The following UNC13C variants were observed in gnomAD, a reference collection of about 807,000 sequenced individuals.
UNC13C encodes the protein protein unc-13 homolog C.
A neutral mutation model predicts 245.4 loss-of-function variants in UNC13C; 174 were observed. The observed-to-expected ratio is 0.71, with a 90% CI of 0.63 to 0.80. The LOEUF (loss-of-function observed/expected upper bound fraction) is 0.80. Ranked by LOEUF, UNC13C falls within the 30% of genes least tolerant of loss-of-function variation. The pLI is 0.00. For synonymous variants in UNC13C, 992 were observed against 895.1 expected, an observed-to-expected ratio of 1.11 and a Z score of -1.93; for missense variants, 2,829 against 2,602.9, an observed-to-expected ratio of 1.09 and a Z score of -1.89.
At chr15:54,548,845 T>G (rs1237441435) in intron 27 of UNC13C, among the ~76,000 whole-genome samples, 1 of 152,154 alleles carries the variant, frequency 6.6e-6, no homozygotes, top group Non-Finnish European at 1.5e-5. Context: ...TTCTTTGAGC[T>G]CCTACTATGT....
At chr15:53,847,122 C>T in the UNC13C span, among the ~76,000 whole-genome samples, 1 of 152,044 alleles carries the variant, frequency 6.6e-6, no homozygotes, top group South Asian at 2.1e-4. Context: ...AAACTAGACC[C>T]TACATAAAAA....
intron 30 of UNC13C, among the ~76,000 whole-genome samples, chr15:54,604,830 T>A (rs1336381317): frequency 1.3e-5 from 2 of 152,168 alleles, no homozygotes; most frequent in Non-Finnish European, 2.9e-5. Context: ...GCATGAGAAA[T>A]CAAACAAAAT....
At position 54,627,272 on chromosome 15, in the gene UNC13C, A is replaced by C; in HGVS notation, c.*159A>C. 2 of 698,128 alleles carry C rather than the reference A, an allele frequency of 2.9e-6. No individual in the cohort carries two copies. The highest frequency in any genetic ancestry group is 6.8e-5 in the Admixed American group (2 of 29,476). The allele number at this position is 698,128 out of a possible 1,614,324, so 43.2% of individuals were successfully genotyped here. A position where few individuals can be genotyped will look rare whatever the true frequency, so the allele number is the denominator to read the frequency against. ...AAAAACCTGCTGAACTTTTATACCA[A>C]TTCTGGTCTTTGGGAAATCAGTGTT... On this transcript the variant is annotated 3_prime_UTR_variant, in exon 33 of 33. Coordinates refer to ENST00000260323, the MANE Select transcript of UNC13C (RefSeq NM_001080534.3).
chr15:53,871,074 G>GC, the UNC13C span, among the ~76,000 whole-genome samples: 1 of 152,066 alleles, frequency 6.6e-6, no homozygotes, highest in Non-Finnish European at 1.5e-5. Context: ...AAAATTACCT[G>GC]CCCCACTCCC....
At chr15:53,940,430 C>T in the UNC13C span, among the ~76,000 whole-genome samples, 1 of 152,082 alleles carries the variant, frequency 6.6e-6, no homozygotes, top group Non-Finnish European at 1.5e-5. Flanking sequence ...CCTCTCCCAC[C>T]ATTCCTATAC....
the UNC13C span, among the ~76,000 whole-genome samples, chr15:53,934,961 T>C: frequency 6.6e-6 from 1 of 152,142 alleles, no homozygotes; most frequent in Non-Finnish European, 1.5e-5. Flanking sequence ...ACATATGAAG[T>C]TAGGGGGACA....
intron 30 of UNC13C, among the ~76,000 whole-genome samples, chr15:54,577,061 G>A (rs1044721446): frequency 1.3e-5 from 2 of 152,180 alleles, no homozygotes; most frequent in Non-Finnish European, 2.9e-5. Flanking sequence ...CATCCAAAGT[G>A]TGTATGAGTA....
At chr15:54,238,623 A>T (rs1032079197) in intron 7 of UNC13C, among the ~76,000 whole-genome samples, 1 of 152,126 alleles carries the variant, frequency 6.6e-6, no homozygotes, top group African/African-American at 2.4e-5. Flanking sequence ...CTTCTGTTTT[A>T]TTATTTTTAT....
intron 2 of UNC13C, among the ~76,000 whole-genome samples, chr15:54,047,482 T>C (rs1429376401): frequency 6.6e-6 from 1 of 152,150 alleles, no homozygotes; most frequent in Non-Finnish European, 1.5e-5. Flanking sequence ...CCTATGCTAG[T>C]ACCTCATATA....
intron 23 of UNC13C, among the ~76,000 whole-genome samples, chr15:54,509,159 A>G (rs1894624141): frequency 6.6e-6 from 1 of 152,178 alleles, no homozygotes. Context: ...AGATTGTGCC[A>G]TTGCACTCCA....
At chr15:54,212,755 A>G (rs938905120) in intron 4 of UNC13C, among the ~76,000 whole-genome samples, 1 of 152,082 alleles carries the variant, frequency 6.6e-6, no homozygotes, top group Non-Finnish European at 1.5e-5. Flanking sequence ...TTGATTACAC[A>G]TTAAACTAAA....
chr15:53,953,433 C>G, the UNC13C span, among the ~76,000 whole-genome samples: 1 of 152,206 alleles, frequency 6.6e-6, no homozygotes, highest in African/African-American at 2.4e-5. Flanking sequence ...CTGTCCAATT[C>G]AACCCTAAGG....
chr15:54,458,815 G>A (rs560523545), intron 19 of UNC13C, among the ~76,000 whole-genome samples: 1 of 149,278 alleles, frequency 6.7e-6, no homozygotes, highest in African/African-American at 2.5e-5. Context: ...GTCTCTTAAA[G>A]ACAGCAGATA....
chr15:54,620,100 A>C (rs1900700201), intron 30 of UNC13C, among the ~76,000 whole-genome samples: 1 of 152,158 alleles, frequency 6.6e-6, no homozygotes, highest in Admixed American at 6.5e-5. Flanking sequence ...ACCTAATTGA[A>C]GAGTAAATTT....
At chr15:53,912,285 G>C in the UNC13C span, 2 of 152,390 alleles carry the variant, frequency 1.3e-5, no homozygotes. Context: ...GATGGGAGAA[G>C]ACATTAGGCC....
At chr15:54,132,748 C>T (rs939399127) in intron 2 of UNC13C, among the ~76,000 whole-genome samples, 3 of 152,184 alleles carry the variant, frequency 2.0e-5, no homozygotes, top group Non-Finnish European at 2.9e-5. Flanking sequence ...AGTCGTATCT[C>T]TTTTAATATG....
the UNC13C span, among the ~76,000 whole-genome samples, chr15:53,888,015 C>T: frequency 2.6e-5 from 4 of 152,084 alleles, no homozygotes; most frequent in East Asian, 1.9e-4. Context: ...AATAAACATA[C>T]GTGTGCATGT....
intron 1 of UNC13C, among the ~76,000 whole-genome samples, chr15:53,984,353 G>A (rs1408355316): frequency 6.6e-6 from 1 of 152,062 alleles, no homozygotes; most frequent in Non-Finnish European, 1.5e-5. Context: ...TGATTTGTCT[G>A]GTTGATTTAC....
chr15:53,981,836 C>T (rs140346274), intron 1 of UNC13C, among the ~76,000 whole-genome samples: 1 of 152,218 alleles, frequency 6.6e-6, no homozygotes, highest in East Asian at 1.9e-4. Flanking sequence ...ATAAGACACA[C>T]TGAATCGTTT....
Sources: gnomAD v4.1 joint callset for allele counts (sites outside exome capture counted in the v4.1 genomes callset) on GRCh38, gnomAD v4.1.1 for gene constraint, MANE v1.5 for transcripts, NCBI Gene and HGNC (gene_info 2026-07-23, HGNC 2026-07-21) for gene names.